Variants in NELL1 observed in about 807,000 individuals in gnomAD.
NELL1 encodes neural EGFL like 1.
Under a neutral mutation model 107.4 loss-of-function variants are expected in NELL1, and 76 were observed. That is an observed-to-expected ratio of 0.71 (90% confidence interval 0.59 to 0.86). NELL1 has a LOEUF of 0.86. Ranked by LOEUF, NELL1 falls within the 40% of genes least tolerant of loss-of-function variation. The pLI is 0.00. For synonymous variants in NELL1, 353 were observed against 341.2 expected (o/e 1.03, Z -0.38); for missense variants, 1,024 against 1,005.5 (o/e 1.02, Z -0.25).
At position 21,384,618 on chromosome 11, in the gene NELL1, C is replaced by T. The variant is rs574251386; in HGVS notation, c.1645+13670C>T. Among the ~76,000 whole-genome samples, 183 of 151,976 alleles carry T rather than the reference C, an allele frequency of 1.2e-3. 4 individuals carry two copies. Among genetic ancestry groups the T allele is most frequent in the Non-Finnish European group, 3.7e-4 (25 of 67,960 alleles). On this transcript the variant is annotated intron_variant, in intron 15 of 19. Transcript: ENST00000357134. ...CGCCTCTCCCCACCCCACAACAGTC[C>T]CCAGAGTGTGATGTTCCCCTTCCTG... is the stretch of plus-strand genomic sequence containing the variant.
At chr11:20,838,562 A>G (rs1435561545) in intron 3 of NELL1, among the ~76,000 whole-genome samples, 1 of 152,024 alleles carries the variant, frequency 6.6e-6, no homozygotes, top group Non-Finnish European at 1.5e-5. Context: ...GGACGCCAAC[A>G]CTAGTTGCCT....
chr11:21,235,810 G>C (rs1394801337), intron 14 of NELL1, among the ~76,000 whole-genome samples: 3 of 152,132 alleles, frequency 2.0e-5, no homozygotes, highest in Non-Finnish European at 4.4e-5. Context: ...GAGCCTTAAT[G>C]TCATGCTTAA....
At chr11:21,323,945 C>G (rs573074709) in intron 14 of NELL1, among the ~76,000 whole-genome samples, 196 of 152,202 alleles carry the variant, frequency 1.3e-3, no homozygotes, top group Non-Finnish European at 1.9e-3. Context: ...TAAAAATAAT[C>G]TCTCCTTTCT....
chr11:21,433,369 A>G (rs2133836255), intron 15 of NELL1, among the ~76,000 whole-genome samples: 1 of 152,252 alleles, frequency 6.6e-6, no homozygotes, highest in East Asian at 1.9e-4. Context: ...TGTTATAATG[A>G]TTTTATTTCC....
chr11:20,727,540 G>T (rs1006477334), intron 2 of NELL1, among the ~76,000 whole-genome samples: 3 of 152,158 alleles, frequency 2.0e-5, no homozygotes, highest in Admixed American at 2.0e-4. Flanking sequence ...CTCCCATTCT[G>T]TAGGTTGCCT....
At chr11:21,535,233 C>T (rs894423504) in intron 16 of NELL1, among the ~76,000 whole-genome samples, 1 of 152,076 alleles carries the variant, frequency 6.6e-6, no homozygotes, top group Non-Finnish European at 1.5e-5. Context: ...AACAACTGAT[C>T]AAAAACATAA....
At chr11:20,786,402 G>A (rs529201220) in intron 3 of NELL1, among the ~76,000 whole-genome samples, 2 of 152,008 alleles carry the variant, frequency 1.3e-5, no homozygotes, top group Admixed American at 1.3e-4. Flanking sequence ...GTGTACAGGG[G>A]TTGAATGCCT....
At chr11:21,552,321 CT>C (rs2133991547) in intron 16 of NELL1, among the ~76,000 whole-genome samples, 1 of 151,568 alleles carries the variant, frequency 6.6e-6, no homozygotes, top group South Asian at 2.1e-4. Context: ...TTGTTTGAGT[CT>C]TTTAATGAGG....
intron 12 of NELL1, among the ~76,000 whole-genome samples, chr11:21,052,773 A>G (rs781226839): frequency 3.6e-4 from 55 of 152,144 alleles, no homozygotes; most frequent in Non-Finnish European, 5.3e-4. Flanking sequence ...CAGAGGGGAT[A>G]CGGATGCAAA....
intron 13 of NELL1, among the ~76,000 whole-genome samples, chr11:21,220,389 G>A (rs1857724557): frequency 1.3e-5 from 2 of 152,000 alleles, no homozygotes; most frequent in African/African-American, 4.8e-5. Context: ...TTCTATTTCT[G>A]TGAAGAATTT....
At chr11:21,224,235 T>C (rs2133876677) in intron 13 of NELL1, among the ~76,000 whole-genome samples, 1 of 152,160 alleles carries the variant, frequency 6.6e-6, no homozygotes, top group Non-Finnish European at 1.5e-5. Context: ...TTAGCTAATA[T>C]TTTTATTTTA....
chr11:21,134,866 G>A (rs1215473161), intron 13 of NELL1, among the ~76,000 whole-genome samples: 1 of 152,176 alleles, frequency 6.6e-6, no homozygotes, highest in Non-Finnish European at 1.5e-5. Context: ...CTAGCTTAAT[G>A]CACTTGTATG....
intron 15 of NELL1, among the ~76,000 whole-genome samples, chr11:21,503,533 T>C (rs539878533): frequency 6.6e-6 from 1 of 152,308 alleles, no homozygotes; most frequent in South Asian, 2.1e-4. Flanking sequence ...TTCCTCATCT[T>C]TGAAATGGTA....
intron 12 of NELL1, among the ~76,000 whole-genome samples, chr11:21,080,892 T>TACAC (rs566384683): frequency 7.0e-4 from 106 of 150,566 alleles, no homozygotes; most frequent in African/African-American, 2.5e-3. Context: ...ATATATTACA[T>TACAC]ACACACACAC....
chr11:21,295,129 AAATTT>A (rs1849347798), intron 14 of NELL1, among the ~76,000 whole-genome samples: 1 of 152,128 alleles, frequency 6.6e-6, no homozygotes, highest in Non-Finnish European at 1.5e-5. Flanking sequence ...AAATATTAAT[AAATTT>A]AATTCTCACA....
chr11:20,758,612 A>G (rs1263220587), intron 2 of NELL1, among the ~76,000 whole-genome samples: 1 of 152,184 alleles, frequency 6.6e-6, no homozygotes, highest in East Asian at 1.9e-4. Flanking sequence ...GAGAATTCCC[A>G]AAGTAGTGGG....
At chr11:21,213,760 G>A (rs1475564393) in intron 13 of NELL1, among the ~76,000 whole-genome samples, 1 of 152,088 alleles carries the variant, frequency 6.6e-6, no homozygotes, top group Non-Finnish European at 1.5e-5. Flanking sequence ...TTGAACACAT[G>A]GCACTGGAGT....
intron 15 of NELL1, among the ~76,000 whole-genome samples, chr11:21,474,138 A>G (rs770759020): frequency 6.6e-6 from 1 of 151,766 alleles, no homozygotes; most frequent in Non-Finnish European, 1.5e-5. Flanking sequence ...CTTTCCCCTC[A>G]TCTCCTGTGA....
At chr11:21,397,305 T>C (rs976086367) in intron 15 of NELL1, among the ~76,000 whole-genome samples, 1 of 151,628 alleles carries the variant, frequency 6.6e-6, no homozygotes, top group African/African-American at 2.4e-5. Context: ...AATAGATTCA[T>C]AATTTTTTGG....
Sources: gnomAD v4.1 joint callset for allele counts (sites outside exome capture counted in the v4.1 genomes callset) on GRCh38, gnomAD v4.1.1 for gene constraint, MANE v1.5 for transcripts, NCBI Gene and HGNC (gene_info 2026-07-23, HGNC 2026-07-21) for gene names.